Variants in TMEM108 observed in about 807,000 individuals in gnomAD.
TMEM108 encodes transmembrane protein 108.
Under a neutral mutation model 35.1 loss-of-function variants are expected in TMEM108, and 12 were observed. The observed-to-expected ratio is 0.34, with a 90% CI of 0.22 to 0.55. TMEM108 has a LOEUF of 0.55. Among genes scored for constraint, TMEM108 ranks in the 20% least tolerant of loss-of-function variants. The pLI is 0.89. For synonymous variants in TMEM108, 287 were observed against 308.6 expected (o/e 0.93, Z 0.73); for missense variants, 680 against 753.3 (o/e 0.90, Z 1.14).
chr3:133,181,038 A>AAAAAAAC (rs869218859), intron 2 of TMEM108, among the ~76,000 whole-genome samples: 1 of 126,444 alleles, frequency 7.9e-6, no homozygotes, highest in African/African-American at 2.9e-5. Flanking sequence ...AAAAAAAAAA[A>AAAAAAAC]CAGCACTCCC....
intron 2 of TMEM108, among the ~76,000 whole-genome samples, chr3:133,226,587 A>G (rs1343022472): frequency 6.6e-6 from 1 of 152,168 alleles, no homozygotes; most frequent in Admixed American, 6.5e-5. Context: ...GGAAGAAAGT[A>G]TAATAAGGCA....
intron 2 of TMEM108, among the ~76,000 whole-genome samples, chr3:133,189,292 C>T (rs1363181745): frequency 2.6e-5 from 4 of 152,128 alleles, no homozygotes; most frequent in African/African-American, 9.7e-5. Context: ...AGGAGATGAC[C>T]TTTACATAGA....
rs4017412 is a variant in TMEM108 at position 133,156,064 on chromosome 3, T to TTTTATTTATTTATTTATTTATTTATTTA, written c.-46-73176_-46-73175insTATTTATTTATTTATTTATTTATTTATT. On this transcript the variant is annotated intron_variant, in intron 2 of 5. Coordinates refer to ENST00000321871, the MANE Select transcript of TMEM108 (RefSeq NM_023943.4). ...GTTTCAATCTTGTTTTTATTTTTTC[T>TTTTATTTATTTATTTATTTATTTATTTA]TTTATTTATTTATTTATTTATTTAT... 5.2e-3 allele frequency among the ~76,000 whole-genome samples: 764 copies of TTTTATTTATTTATTTATTTATTTATTTA among 146,154 alleles called. 1 individual carries two copies. Among genetic ancestry groups the TTTTATTTATTTATTTATTTATTTATTTA allele is most frequent in the African/African-American group, 5.9e-3 (233 of 39,800 alleles).
At chr3:133,095,463 A>G (rs897663134) in intron 2 of TMEM108, among the ~76,000 whole-genome samples, 3 of 152,188 alleles carry the variant, frequency 2.0e-5, no homozygotes, top group African/African-American at 7.2e-5. Flanking sequence ...CAAGCACATT[A>G]CATGTATTGT....
intron 3 of TMEM108, among the ~76,000 whole-genome samples, chr3:133,329,050 A>T (rs2071363705): frequency 6.6e-6 from 1 of 150,716 alleles, no homozygotes; most frequent in South Asian, 2.1e-4. Context: ...GAGTGTCTGG[A>T]CTGTTTTAAC....
intron 2 of TMEM108, among the ~76,000 whole-genome samples, chr3:133,113,585 C>T (rs1944251691): frequency 1.3e-5 from 2 of 152,108 alleles, no homozygotes; most frequent in African/African-American, 4.8e-5. Context: ...CTTCCAGCCC[C>T]ACAAGACAAG....
intron 2 of TMEM108, among the ~76,000 whole-genome samples, chr3:133,210,444 C>G (rs1388613211): frequency 6.6e-6 from 1 of 152,090 alleles, no homozygotes; most frequent in Non-Finnish European, 1.5e-5. Context: ...ATATTGGGAG[C>G]CTTTTAAAAT....
At chr3:133,157,031 T>C (rs999092766) in intron 2 of TMEM108, among the ~76,000 whole-genome samples, 1 of 152,230 alleles carries the variant, frequency 6.6e-6, no homozygotes, top group Admixed American at 6.5e-5. Context: ...TTGGGGTTGT[T>C]ACTGCAACAT....
chr3:133,281,989 C>T (rs1309454274), intron 3 of TMEM108, among the ~76,000 whole-genome samples: 1 of 152,066 alleles, frequency 6.6e-6, no homozygotes, highest in Non-Finnish European at 1.5e-5. Flanking sequence ...AACTCCGTCT[C>T]TACTAAAAAT....
At chr3:133,170,465 T>C (rs114296471) in intron 2 of TMEM108, among the ~76,000 whole-genome samples, 1 of 152,314 alleles carries the variant, frequency 6.6e-6, no homozygotes, top group African/African-American at 2.4e-5. Context: ...ATCACAGGTT[T>C]AAAGCATGGT....
intron 3 of TMEM108, among the ~76,000 whole-genome samples, chr3:133,352,652 T>G (rs955001641): frequency 6.6e-6 from 1 of 152,274 alleles, no homozygotes; most frequent in Admixed American, 6.5e-5. Context: ...TACTGCTTTA[T>G]TAGAAAAGAA....
intron 2 of TMEM108, among the ~76,000 whole-genome samples, chr3:133,213,120 G>A (rs1463938081): frequency 6.6e-6 from 1 of 152,152 alleles, no homozygotes; most frequent in Non-Finnish European, 1.5e-5. Context: ...GGAACAAGAT[G>A]CTCAGGCCCT....
intron 3 of TMEM108, among the ~76,000 whole-genome samples, chr3:133,258,589 G>A (rs142239840): frequency 1.6e-3 from 249 of 152,346 alleles, no homozygotes; most frequent in Non-Finnish European, 3.0e-3. Flanking sequence ...AGCTCAGAGG[G>A]CAGAGAGGTG....
chr3:133,065,838 T>A (rs1943600281), intron 2 of TMEM108, among the ~76,000 whole-genome samples: 2 of 152,162 alleles, frequency 1.3e-5, no homozygotes, highest in Admixed American at 1.3e-4. Context: ...CACATCTGAA[T>A]TTTTCAGTAT....
chr3:133,097,424 T>G (rs928532796), intron 2 of TMEM108, among the ~76,000 whole-genome samples: 1 of 152,224 alleles, frequency 6.6e-6, no homozygotes, highest in Non-Finnish European at 1.5e-5. Flanking sequence ...CATTAAGTAC[T>G]GGCACAAAGG....
intron 3 of TMEM108, among the ~76,000 whole-genome samples, chr3:133,365,388 T>A (rs550174204): frequency 1.1e-4 from 17 of 152,238 alleles, no homozygotes; most frequent in Non-Finnish European, 2.4e-4. Flanking sequence ...TTCTGGCATT[T>A]ATTTTCTCTC....
intron 2 of TMEM108, among the ~76,000 whole-genome samples, chr3:133,094,902 G>A (rs919883340): frequency 3.3e-5 from 5 of 151,998 alleles, no homozygotes; most frequent in African/African-American, 9.7e-5. Flanking sequence ...TTCCTCTGAG[G>A]GTTTAATTTG....
intron 3 of TMEM108, among the ~76,000 whole-genome samples, chr3:133,318,603 A>T (rs1356902278): frequency 6.6e-6 from 1 of 152,222 alleles, no homozygotes; most frequent in Non-Finnish European, 1.5e-5. Flanking sequence ...AATCTCTCCC[A>T]GATGAGGGTG....
intron 3 of TMEM108, chr3:133,378,466 TC>T (rs1378583300): frequency 2.0e-6 from 2 of 985,372 alleles, no homozygotes; most frequent in Middle Eastern, 5.2e-4. Flanking sequence ...GACAGAGATC[TC>T]TCTCCATAGT....
Sources: gnomAD v4.1 joint callset for allele counts (sites outside exome capture counted in the v4.1 genomes callset) on GRCh38, gnomAD v4.1.1 for gene constraint, MANE v1.5 for transcripts, NCBI Gene and HGNC (gene_info 2026-07-23, HGNC 2026-07-21) for gene names.